Variants in GRAMD2B observed in about 807,000 individuals in gnomAD.
GRAMD2B encodes the protein GRAM domain-containing protein 2B.
A neutral mutation model predicts 59.2 loss-of-function variants in GRAMD2B; 41 were observed. That is an observed-to-expected ratio of 0.69 (90% CI 0.54 to 0.90). The LOEUF is 0.90. Ranked by LOEUF, GRAMD2B falls within the 40% of genes least tolerant of loss-of-function variation. The pLI is 0.00. For synonymous variants in GRAMD2B, 161 were observed against 182.7 expected, an observed-to-expected ratio of 0.88 and a Z score of 0.96; for missense variants, 424 against 500.5, an observed-to-expected ratio of 0.85 and a Z score of 1.46.
intron 1 of GRAMD2B, among the ~76,000 whole-genome samples, chr5:126,446,466 A>G (rs1764250560): frequency 6.6e-6 from 1 of 152,206 alleles, no homozygotes; most frequent in African/African-American, 2.4e-5. Context: ...TAAATTTCAT[A>G]TTAACCCCCC....
chr5:126,400,491 A>C (rs1394267419), intron 1 of GRAMD2B, among the ~76,000 whole-genome samples: 1 of 141,618 alleles, frequency 7.1e-6, no homozygotes, highest in East Asian at 2.4e-4. Context: ...AGTGATGTAC[A>C]CACTGCCAAT....
intron 1 of GRAMD2B, among the ~76,000 whole-genome samples, chr5:126,362,953 G>C (rs1754284154): frequency 6.6e-6 from 1 of 152,168 alleles, no homozygotes; most frequent in Non-Finnish European, 1.5e-5. Flanking sequence ...AGTGATAAAA[G>C]AGAAAATTGA....
At chr5:126,419,712 C>T (rs1210832596), upstream of GRAMD2B, among the ~76,000 whole-genome samples, 1 of 152,180 alleles carries the variant, frequency 6.6e-6, no homozygotes, top group Non-Finnish European at 1.5e-5. Flanking sequence ...TTATGTCTGG[C>T]ATCTTCTACC....
intron 1 of GRAMD2B, among the ~76,000 whole-genome samples, chr5:126,457,716 G>T (rs190782620): frequency 6.6e-5 from 10 of 152,118 alleles, no homozygotes; most frequent in African/African-American, 2.4e-4. Context: ...GCTAACTGGG[G>T]TACAGCATCC....
At position 126,493,190 on chromosome 5, in the gene GRAMD2B, A is replaced by G. The variant is rs1774238429; in HGVS notation, c.*234A>G. ...GGAAGATTTTGCTGCTTTTGCCTGA[A>G]GAAAACAGACCCATCTCTGGAGGTC... On this transcript the variant is annotated 3_prime_UTR_variant, in exon 14 of 14. Coordinates refer to ENST00000285689, the MANE Select transcript of GRAMD2B (RefSeq NM_023927.4). 2 of 532,744 alleles carry G rather than the reference A, an allele frequency of 3.8e-6. No individual in the cohort carries two copies. The highest frequency in any genetic ancestry group is 6.3e-5 in the Admixed American group (2 of 31,636). 33.0% of individuals were successfully genotyped at this position (532,744 alleles called of 1,614,324 possible).
In GRAMD2B at chr5:126,450,340, A is replaced by G. The variant is rs141665046; in HGVS notation, c.84-15086A>G. Reference sequence around the variant, plus strand: ...GGTTATTGCACTATTAACAGGTAAAAAATTCTCTTCTGACCAAATACATGT... The same window carrying G: ...GGTTATTGCACTATTAACAGGTAAAGAATTCTCTTCTGACCAAATACATGT... On this transcript the variant is annotated intron_variant, in intron 1 of 13. Transcript: ENST00000285689. Among the ~76,000 whole-genome samples, 100 of 152,270 alleles carry G rather than the reference A, an allele frequency of 6.6e-4. 1 individual carries two copies. In the East Asian group the frequency reaches 0.014, roughly 22 times the overall value.
upstream of GRAMD2B, among the ~76,000 whole-genome samples, chr5:126,368,924 A>C (rs896099176): frequency 6.6e-6 from 1 of 152,206 alleles, no homozygotes; most frequent in East Asian, 1.9e-4. Flanking sequence ...CTTCCAAAGC[A>C]TCGTGCATAT....
chr5:126,363,407 T>C (rs142509313), intron 1 of GRAMD2B, among the ~76,000 whole-genome samples: 361 of 152,302 alleles, frequency 2.4e-3, no homozygotes, highest in African/African-American at 8.1e-3. Flanking sequence ...GAAAAAAAGT[T>C]TGTCAGTTCC....
At chr5:126,390,517 AC>A (rs1247850826) in intron 1 of GRAMD2B, among the ~76,000 whole-genome samples, 1 of 152,194 alleles carries the variant, frequency 6.6e-6, no homozygotes, top group African/African-American at 2.4e-5. Flanking sequence ...TCTTCTTTAG[AC>A]CCCAAAGAGG....
intron 1 of GRAMD2B, chr5:126,462,537 CT>C: frequency 1.7e-6 from 1 of 573,046 alleles, no homozygotes; most frequent in Non-Finnish European, 2.2e-6. Flanking sequence ...ATCAAATTGA[CT>C]CGTAGATGAA....
chr5:126,469,895 T>C (rs1361158228), intron 3 of GRAMD2B, 107 bp downstream of exon 3: 1 of 742,606 alleles, frequency 1.3e-6, no homozygotes, highest in African/African-American at 1.8e-5. Flanking sequence ...AAGACTAATA[T>C]AGGTATAGAG....
chr5:126,373,655 T>C (rs1754945964), intron 1 of GRAMD2B, among the ~76,000 whole-genome samples: 1 of 152,200 alleles, frequency 6.6e-6, no homozygotes, highest in South Asian at 2.1e-4. Flanking sequence ...CATACATAAA[T>C]ACATAATTCA....
intron 1 of GRAMD2B, among the ~76,000 whole-genome samples, chr5:126,371,781 G>A (rs1754778409): frequency 6.6e-6 from 1 of 152,180 alleles, no homozygotes; most frequent in Non-Finnish European, 1.5e-5. Context: ...TTATTACTAT[G>A]AAGGAAAAAT....
At chr5:126,377,336 T>G (rs992891581) in intron 1 of GRAMD2B, among the ~76,000 whole-genome samples, 4 of 151,938 alleles carry the variant, frequency 2.6e-5, no homozygotes, top group African/African-American at 9.7e-5. Context: ...TGTATTGCCA[T>G]CAGGATGTAT....
intron 13 of GRAMD2B, 51 bp from the exon 14 acceptor site, chr5:126,492,864 A>G: frequency 8.5e-7 from 1 of 1,183,062 alleles, no homozygotes; most frequent in Non-Finnish European, 1.3e-6. Context: ...ATATGCCCTT[A>G]ATATACTCCA....
chr5:126,490,061 T>C (rs1773632567), intron 13 of GRAMD2B, among the ~76,000 whole-genome samples: 2 of 152,252 alleles, frequency 1.3e-5, no homozygotes, highest in Non-Finnish European at 2.9e-5. Flanking sequence ...AGAGAATTCA[T>C]ATTAAATCAT....
intron 1 of GRAMD2B, among the ~76,000 whole-genome samples, chr5:126,391,330 A>AAAAAAAAAAAAAC (rs1756752385): frequency 1.3e-5 from 2 of 149,700 alleles, no homozygotes; most frequent in Admixed American, 6.7e-5. Flanking sequence ...AAAAAAAAAA[A>AAAAAAAAAAAAAC]AAAAAAAAAA....
At chr5:126,480,768 T>A (rs1771565464) in intron 8 of GRAMD2B, 61 bp downstream of exon 8, 2 of 1,433,286 alleles carry the variant, frequency 1.4e-6, no homozygotes, top group Non-Finnish European at 2.0e-6. Flanking sequence ...ACAATTACAC[T>A]TGTGCTTACA....
intron 1 of GRAMD2B, among the ~76,000 whole-genome samples, chr5:126,417,411 T>C (rs1191684173): frequency 2.0e-5 from 3 of 152,222 alleles, no homozygotes; most frequent in Admixed American, 6.5e-5. Context: ...GCACAGACAC[T>C]GAAATGCTCA....
Sources: gnomAD v4.1 joint callset for allele counts (sites outside exome capture counted in the v4.1 genomes callset) on GRCh38, gnomAD v4.1.1 for gene constraint, MANE v1.5 for transcripts, NCBI Gene and HGNC (gene_info 2026-07-23, HGNC 2026-07-21) for gene names.